ANTXR1: variants seen among roughly 807,000 people sequenced by gnomAD.
ANTXR1 encodes the protein anthrax toxin receptor 1.
A neutral mutation model predicts 78.1 loss-of-function variants in ANTXR1; 19 were observed. That is an observed-to-expected ratio of 0.24 (90% CI 0.17 to 0.36). The LOEUF is 0.36. ANTXR1 is among the 10% of genes least tolerant of loss of function. The pLI is 1.00. For missense variants in ANTXR1, 518 were observed against 718.6 expected, an observed-to-expected ratio of 0.72 and a Z score of 3.19; for synonymous variants, 273 against 260.5, an observed-to-expected ratio of 1.05 and a Z score of -0.46.
intron 3 of ANTXR1, among the ~76,000 whole-genome samples, chr2:69,066,617 T>G (rs1670407387): frequency 6.6e-6 from 1 of 152,218 alleles, no homozygotes; most frequent in Non-Finnish European, 1.5e-5. Flanking sequence ...ACATTGTGAC[T>G]GATTCTCCCC....
At chr2:69,054,217 T>C (rs1670005993) in intron 3 of ANTXR1, among the ~76,000 whole-genome samples, 1 of 152,172 alleles carries the variant, frequency 6.6e-6, no homozygotes, top group Admixed American at 6.6e-5. Context: ...CACTGTCATG[T>C]GAAAGTGTAG....
chr2:69,201,152 G>A (rs892670918), intron 17 of ANTXR1, among the ~76,000 whole-genome samples: 1 of 152,216 alleles, frequency 6.6e-6, no homozygotes, highest in East Asian at 1.9e-4. Context: ...TGGTGTGAAA[G>A]GCTCTGTGAT....
At chr2:69,134,774 G>A (rs530712503) in intron 12 of ANTXR1, among the ~76,000 whole-genome samples, 208 of 152,208 alleles carry the variant, frequency 1.4e-3, no homozygotes, top group African/African-American at 4.7e-3. Flanking sequence ...TAATACAAGT[G>A]GGATCATATT....
intron 16 of ANTXR1, among the ~76,000 whole-genome samples, chr2:69,186,054 C>T (rs1197665565): frequency 6.6e-6 from 1 of 152,002 alleles, no homozygotes; most frequent in Admixed American, 6.5e-5. Context: ...GCTTTGAATC[C>T]CCAGTAAACA....
At chr2:69,061,179 C>T (rs148020686) in intron 3 of ANTXR1, among the ~76,000 whole-genome samples, 1 of 152,272 alleles carries the variant, frequency 6.6e-6, no homozygotes, top group African/African-American at 2.4e-5. Flanking sequence ...TTTAAAAGCT[C>T]TTCAACCTTC....
chr2:69,070,998 C>T lies in ANTXR1; in HGVS notation c.378+270C>T, dbSNP rs561550304. On this transcript the variant is annotated intron_variant, in intron 4 of 17. Transcript: ENST00000303714. ...ACAAATTCACGCCACACACAAGTCC[C>T]GCCACTCCAAAAATGTCCTTTGTTG... 3.5e-4 allele frequency among the ~76,000 whole-genome samples: 54 copies of T among 152,294 alleles called. 1 individual carries two copies. The South Asian group carries it at 0.011, about 30-fold the overall frequency.
chr2:69,190,649 C>T lies in ANTXR1; in HGVS notation c.1354-2686C>T, dbSNP rs564187107. ...GGCTTAGGGAGATGAAACTACTCATCTAACCCATAGAGCTGGTGAAAAGGA... is the reference window on the plus strand; with the variant it reads ...GGCTTAGGGAGATGAAACTACTCATTTAACCCATAGAGCTGGTGAAAAGGA... On this transcript the variant is annotated intron_variant, in intron 16 of 17. Coordinates refer to ENST00000303714, the MANE Select transcript of ANTXR1 (RefSeq NM_032208.3). 7.9e-5 allele frequency among the ~76,000 whole-genome samples: 12 copies of T among 152,312 alleles called. No homozygotes were observed. In the South Asian group the frequency reaches 2.1e-3, roughly 26 times the overall value.
intron 12 of ANTXR1, among the ~76,000 whole-genome samples, chr2:69,136,524 C>G (rs904168590): frequency 6.6e-6 from 1 of 152,160 alleles, no homozygotes; most frequent in African/African-American, 2.4e-5. Flanking sequence ...CAAACACACA[C>G]CCAAAGCATT....
chr2:69,059,442 C>T (rs1171575963), intron 3 of ANTXR1, among the ~76,000 whole-genome samples: 1 of 152,028 alleles, frequency 6.6e-6, no homozygotes, highest in African/African-American at 2.4e-5. Context: ...TGATCATTAG[C>T]AATCTTTAGC....
At chr2:69,146,797 A>T (rs926763471) in intron 12 of ANTXR1, among the ~76,000 whole-genome samples, 2 of 152,106 alleles carry the variant, frequency 1.3e-5, no homozygotes, top group East Asian at 3.9e-4. Context: ...CGCGAGGGGG[A>T]CCTCTGGCCC....
At chr2:69,078,119 C>T (rs1002161332) in intron 8 of ANTXR1, among the ~76,000 whole-genome samples, 2 of 152,226 alleles carry the variant, frequency 1.3e-5, no homozygotes, top group Non-Finnish European at 2.9e-5. Context: ...TTTCTTCACA[C>T]CTTTTCCTGA....
At chr2:69,091,445 CAAAAAAA>C (rs60795933) in intron 9 of ANTXR1, among the ~76,000 whole-genome samples, 1 of 62,328 alleles carries the variant, frequency 1.6e-5, no homozygotes, top group African/African-American at 6.2e-5. Flanking sequence ...GACACCATCT[CAAAAAAA>C]AAAAAAAAAA....
intron 1 of ANTXR1, among the ~76,000 whole-genome samples, chr2:69,025,887 TCATCCTGA>T (rs1671327932): frequency 1.3e-5 from 2 of 152,236 alleles, no homozygotes; most frequent in Admixed American, 1.3e-4. Flanking sequence ...AATTATATGG[TCATCCTGA>T]TTATTAACTA....
intron 1 of ANTXR1, among the ~76,000 whole-genome samples, chr2:69,024,917 C>T (rs190410046): frequency 1.3e-5 from 2 of 152,320 alleles, no homozygotes; most frequent in Admixed American, 6.5e-5. Flanking sequence ...TTCCCTCTCA[C>T]CTCTTACCCC....
chr2:69,186,875 G>A (rs1237747338), intron 16 of ANTXR1, among the ~76,000 whole-genome samples: 3 of 152,196 alleles, frequency 2.0e-5, no homozygotes, highest in African/African-American at 7.2e-5. Flanking sequence ...CCAAGGCATG[G>A]AGAAGGCAGG....
intron 12 of ANTXR1, among the ~76,000 whole-genome samples, chr2:69,137,371 GA>G (rs1175036453): frequency 2.0e-5 from 3 of 152,114 alleles, no homozygotes; most frequent in African/African-American, 7.2e-5. Flanking sequence ...TAGTCTCTAA[GA>G]ACTTGAGAGA....
chr2:69,214,897 G>A (rs182002190), intron 17 of ANTXR1, among the ~76,000 whole-genome samples: 3 of 152,250 alleles, frequency 2.0e-5, no homozygotes, highest in Admixed American at 1.3e-4. Context: ...GTTTGCTTGT[G>A]GTGCTTTCAT....
At chr2:69,039,650 A>G (rs1669553741) in intron 1 of ANTXR1, among the ~76,000 whole-genome samples, 1 of 152,196 alleles carries the variant, frequency 6.6e-6, no homozygotes, top group Admixed American at 6.5e-5. Context: ...GTGTGTGCTA[A>G]TTTCATTTAA....
At chr2:69,025,235 G>GA (rs1056710234) in intron 1 of ANTXR1, among the ~76,000 whole-genome samples, 5 of 151,596 alleles carry the variant, frequency 3.3e-5, no homozygotes, top group African/African-American at 1.2e-4. Context: ...CCTGTGGTAA[G>GA]AAAAAAAATA....
Sources: allele counts gnomAD v4.1 joint callset (sites outside exome capture counted in the v4.1 genomes callset), GRCh38; gene constraint gnomAD v4.1.1; transcripts MANE v1.5; gene names NCBI Gene and HGNC (gene_info 2026-07-23, HGNC 2026-07-21).